GHR: variants seen among roughly 807,000 people sequenced by gnomAD.
GHR encodes growth hormone receptor.
In GHR, 35 loss-of-function variants were observed where a neutral mutation model predicts 67.1. The ratio of observed to expected loss-of-function variants is 0.52; its 90% CI spans 0.40 to 0.69. The LOEUF (loss-of-function observed/expected upper bound fraction) is 0.69. GHR is among the 30% of genes least tolerant of loss of function. GHR has a pLI of 0.00. For missense variants in GHR, 792 were observed against 764.6 expected (o/e 1.04, Z -0.42); for synonymous variants, 272 against 269.1 (o/e 1.01, Z -0.10).
chr5:42,550,386 A>G lies in GHR; in HGVS notation c.-11-15478A>G, dbSNP rs564119785. On this transcript the variant is annotated intron_variant, in intron 1 of 9. Coordinates refer to ENST00000230882, the MANE Select transcript of GHR (RefSeq NM_000163.5). ...CTGTCATTGTGATCCTGCCTCCCCA[A>G]GGTTCCCCTGGGCCCCATCACTACT... Among the ~76,000 whole-genome samples, 4 of 152,230 alleles carry G rather than the reference A, an allele frequency of 2.6e-5. No homozygotes were observed. The East Asian group carries it at 5.8e-4, about 22-fold the overall frequency.
chr5:42,654,802 C>G (rs187501191), intron 3 of GHR, among the ~76,000 whole-genome samples: 5 of 152,262 alleles, frequency 3.3e-5, no homozygotes, highest in Non-Finnish European at 7.4e-5. Context: ...TTTGCAAGCA[C>G]TGGCATTTAG....
intron 2 of GHR, among the ~76,000 whole-genome samples, chr5:42,568,821 T>C (rs1045543019): frequency 6.6e-6 from 1 of 152,364 alleles, no homozygotes; most frequent in Admixed American, 6.5e-5. Flanking sequence ...TGGACTAGAA[T>C]AGTTAATTCA....
rs1365667998 is a variant in GHR, at chr5:42,583,856, G to GAT, written c.70+17921_70+17922dup. ...TTTTCCAAATCTTGCAAAAAATAAA[G>GAT]ATATATATATCTTTAAATAAAGATA... On this transcript the variant is annotated intron_variant, in intron 2 of 9. Transcript: ENST00000230882. Among the ~76,000 whole-genome samples, 8 of 147,028 alleles carry GAT rather than the reference G, an allele frequency of 5.4e-5. No individual in the cohort carries two copies. In the East Asian group the frequency reaches 1.1e-3, roughly 20 times the overall value.
chr5:42,429,173 G>A (rs1747599427), intron 1 of GHR, among the ~76,000 whole-genome samples: 1 of 152,186 alleles, frequency 6.6e-6, no homozygotes, highest in Non-Finnish European at 1.5e-5. Context: ...CATGGCAGAA[G>A]GTGAAGGAGG....
chr5:42,611,166 A>G (rs2112673259), intron 2 of GHR, among the ~76,000 whole-genome samples: 1 of 152,260 alleles, frequency 6.6e-6, no homozygotes, highest in African/African-American at 2.4e-5. Context: ...CCTTGCCCTT[A>G]GATATGTGAT....
At chr5:42,465,608 G>C in intron 1 of GHR, 1 of 1,103,938 alleles carries the variant, frequency 9.1e-7, no homozygotes. Flanking sequence ...AATGTATTTG[G>C]GGGACTCTGT....
At chr5:42,455,027 C>A (rs1040409034) in intron 1 of GHR, among the ~76,000 whole-genome samples, 1 of 152,082 alleles carries the variant, frequency 6.6e-6, no homozygotes, top group Non-Finnish European at 1.5e-5. Context: ...CATGGCTTCC[C>A]TGGGTTTGAG....
chr5:42,660,211 C>T (rs1755510349), intron 3 of GHR, among the ~76,000 whole-genome samples: 1 of 152,216 alleles, frequency 6.6e-6, no homozygotes, highest in African/African-American at 2.4e-5. Context: ...CAGCAGTAAC[C>T]TCTGCAGACT....
chr5:42,468,859 C>T, intron 1 of GHR: 1 of 919,118 alleles, frequency 1.1e-6, no homozygotes, highest in Non-Finnish European at 1.6e-6. Flanking sequence ...CTGTAACTGC[C>T]CAGGCATGAT....
intron 2 of GHR, among the ~76,000 whole-genome samples, chr5:42,594,627 C>G (rs945512402): frequency 6.6e-6 from 1 of 152,104 alleles, no homozygotes; most frequent in African/African-American, 2.4e-5. Context: ...ATAATAAGTC[C>G]TTAGAACACA....
At chr5:42,672,999 T>C (rs937902121) in intron 3 of GHR, among the ~76,000 whole-genome samples, 1 of 152,106 alleles carries the variant, frequency 6.6e-6, no homozygotes, top group African/African-American at 2.4e-5. Flanking sequence ...GGTGAAAATC[T>C]TCACAAACTG....
chr5:42,639,748 A>G (rs1182315269), intron 3 of GHR, among the ~76,000 whole-genome samples: 1 of 152,218 alleles, frequency 6.6e-6, no homozygotes, highest in Non-Finnish European at 1.5e-5. Context: ...ATTGAACTTC[A>G]GTGGCTTGTG....
At chr5:42,659,672 G>A (rs10059216) in intron 3 of GHR, among the ~76,000 whole-genome samples, 303 of 152,306 alleles carry the variant, frequency 2.0e-3, no homozygotes, top group African/African-American at 6.7e-3. Context: ...AGCTCCCAGC[G>A]TGAGCGACAC....
chr5:42,491,850 C>T (rs2112196812), intron 1 of GHR, among the ~76,000 whole-genome samples: 1 of 152,264 alleles, frequency 6.6e-6, no homozygotes, highest in East Asian at 1.9e-4. Context: ...ATTCCAGGAG[C>T]AGATGTAGAT....
At chr5:42,709,936 A>G (rs1758372013) in intron 6 of GHR, among the ~76,000 whole-genome samples, 2 of 152,098 alleles carry the variant, frequency 1.3e-5, no homozygotes, top group African/African-American at 4.8e-5. Flanking sequence ...GAGGACCACA[A>G]CTTGAATCAC....
chr5:42,592,828 C>T (rs936460807), intron 2 of GHR, among the ~76,000 whole-genome samples: 3 of 152,158 alleles, frequency 2.0e-5, no homozygotes, highest in Admixed American at 6.6e-5. Flanking sequence ...TCCTGCTTTC[C>T]ATAGTGGCTG....
chr5:42,436,746 T>C (rs560462923), intron 1 of GHR, among the ~76,000 whole-genome samples: 1 of 152,206 alleles, frequency 6.6e-6, no homozygotes, highest in East Asian at 1.9e-4. Context: ...TTTTAAGTGT[T>C]ACATGAGGGA....
At chr5:42,527,691 A>G (rs972959079) in intron 1 of GHR, among the ~76,000 whole-genome samples, 4 of 152,172 alleles carry the variant, frequency 2.6e-5, no homozygotes, top group African/African-American at 9.6e-5. Context: ...TGAACTCAAC[A>G]TTGGACTAAA....
chr5:42,666,097 G>C (rs144744702), intron 3 of GHR, among the ~76,000 whole-genome samples: 1 of 152,116 alleles, frequency 6.6e-6, no homozygotes, highest in African/African-American at 2.4e-5. Context: ...TGCCGATTCA[G>C]CAACAGTTTT....
Sources: gnomAD v4.1 joint callset for allele counts (sites outside exome capture counted in the v4.1 genomes callset) on GRCh38, gnomAD v4.1.1 for gene constraint, MANE v1.5 for transcripts, NCBI Gene and HGNC (gene_info 2026-07-23, HGNC 2026-07-21) for gene names.